The following CACNA1A variants were observed in gnomAD, a reference collection of about 807,000 sequenced individuals.
The protein encoded by CACNA1A is voltage-dependent P/Q-type calcium channel subunit alpha-1A.
A neutral mutation model predicts 262.4 loss-of-function variants in CACNA1A; 57 were observed. That is an observed-to-expected ratio of 0.22 (90% confidence interval 0.18 to 0.27). CACNA1A has a LOEUF of 0.27. Ranked by LOEUF, CACNA1A falls within the 10% of genes least tolerant of loss-of-function variation. The pLI is 1.00. For synonymous variants in CACNA1A, 1,431 were observed against 1,419.3 expected (o/e 1.01, Z -0.18); for missense variants, 2,526 against 3,562.8 (o/e 0.71, Z 7.41).
chr19:13,465,825 A>G (rs77665275), intron 1 of CACNA1A, among the ~76,000 whole-genome samples: 27,267 of 152,136 alleles, frequency 0.18, 2,891 homozygotes, highest in East Asian at 0.36. Context: ...GTTGTAGCAA[A>G]GATTAGTATT....
In CACNA1A at chr19:13,477,045, C is replaced by T. The variant is rs551836450; in HGVS notation, c.294-21833G>A. 7.9e-5 allele frequency among the ~76,000 whole-genome samples: 12 copies of T among 152,248 alleles called. No individual in the cohort carries two copies. The South Asian group carries it at 1.0e-3, about 13-fold the overall frequency. ...CCATAAGGCCCTCCAAAACCTGTCC[C>T]GTCACCTCTCTGTCCTTATCCTTGC... On this transcript the variant is annotated intron_variant, in intron 1 of 46. Transcript: ENST00000360228.
rs548413657 is a variant in CACNA1A, at chr19:13,367,516, A to T, written c.632-2047T>A. Among the ~76,000 whole-genome samples the T allele has an allele frequency of 2.6e-5, 4 of 151,794 alleles. No individual in the cohort carries two copies. The East Asian group carries it at 5.8e-4, about 22-fold the overall frequency. On this transcript the variant is annotated intron_variant, in intron 4 of 46. Coordinates refer to ENST00000360228, the MANE Select transcript of CACNA1A (RefSeq NM_001127222.2). ...GCCGAGGCGGGCAGATCACGAGGTC[A>T]GGAGATCGAGACCATCCTGGCTAAT...
chr19:13,208,707 C>A, intron 46 of CACNA1A, 49 bp downstream of exon 46: 2 of 1,521,730 alleles, frequency 1.3e-6, no homozygotes, highest in Non-Finnish European at 1.8e-6. Context: ...TTCTCTCCTC[C>A]CCGCCTCCCG....
chr19:13,467,394 T>C (rs2061266824), intron 1 of CACNA1A, among the ~76,000 whole-genome samples: 2 of 151,812 alleles, frequency 1.3e-5, no homozygotes, highest in South Asian at 4.2e-4. Flanking sequence ...GGCACGAGGA[T>C]CACTCGAGCC....
intron 1 of CACNA1A, among the ~76,000 whole-genome samples, chr19:13,476,093 C>T (rs1415183903): frequency 6.6e-6 from 1 of 152,222 alleles, no homozygotes; most frequent in Non-Finnish European, 1.5e-5. Context: ...GTTGGTGCAA[C>T]AGCAGCTCAG....
Position 13,212,448 on chromosome 19 carries a change from G to A in CACNA1A, c.6125C>T (p.Thr2042Met), listed in dbSNP as rs563345694. 103 of 1,610,832 alleles carry A rather than the reference G, an allele frequency of 6.4e-5. No homozygotes were observed. The Middle Eastern group carries it at 6.6e-4, about 10-fold the overall frequency. ...GCCTTGTTCCGGACTCCATGTGCCC[G>A]TCTTCTGGAACATCTCCTGGGCACG... ...TQRAQEMFQK[T>M]GTWSPEQGPP... is the part of the protein sequence containing the mutation. Residue 2042 changes from threonine (T) to methionine (M), a missense_variant, in exon 42 of 47, where the codon ACG becomes ATG. Coordinates refer to ENST00000360228, the MANE Select transcript of CACNA1A (RefSeq NM_001127222.2). This position sits in a 1 kb window ranked among gnomAD's most constrained non-coding sequence, Gnocchi z 5.6.
intron 30 of CACNA1A, among the ~76,000 whole-genome samples, chr19:13,250,406 T>G (rs532987992): frequency 1.1e-3 from 161 of 150,338 alleles, no homozygotes; most frequent in Non-Finnish European, 2.1e-3. Flanking sequence ...TTTAATTTAT[T>G]TATTTATTGA....
intron 36 of CACNA1A, chr19:13,229,799 G>C: frequency 3.3e-6 from 1 of 302,586 alleles, no homozygotes; most frequent in East Asian, 5.5e-5. Context: ...TGAGAGACAG[G>C]AGAGACTCGT....
intron 3 of CACNA1A, among the ~76,000 whole-genome samples, chr19:13,384,086 G>A (rs2059567399): frequency 6.6e-6 from 1 of 152,184 alleles, no homozygotes; most frequent in Non-Finnish European, 1.5e-5. Context: ...TTAGTGTTTG[G>A]ATGATAGGCG....
At chr19:13,445,836 GAACA>G (rs1395937365) in intron 3 of CACNA1A, among the ~76,000 whole-genome samples, 1 of 152,136 alleles carries the variant, frequency 6.6e-6, no homozygotes, top group Non-Finnish European at 1.5e-5. Context: ...GAGTTACAAA[GAACA>G]AACAGATGTC....
At chr19:13,284,863 C>T (rs2057366993) in intron 21 of CACNA1A, among the ~76,000 whole-genome samples, 1 of 152,180 alleles carries the variant, frequency 6.6e-6, no homozygotes, top group Non-Finnish European at 1.5e-5. Flanking sequence ...TAGTGGATGG[C>T]AGGACAGGGG....
At chr19:13,334,051 T>G in intron 8 of CACNA1A, 1 of 263,868 alleles carries the variant, frequency 3.8e-6, no homozygotes, top group Non-Finnish European at 7.3e-6. Flanking sequence ...TACTATGACT[T>G]AGGCACTACC....
Position 13,320,090 on chromosome 19 carries a change from G to A in CACNA1A, c.1346-2769C>T, listed in dbSNP as rs1489199083. Among the ~76,000 whole-genome samples, 5 of 152,134 alleles carry A rather than the reference G, an allele frequency of 3.3e-5. No homozygotes were observed. The East Asian group carries it at 9.6e-4, about 29-fold the overall frequency. On this transcript the variant is annotated intron_variant, in intron 10 of 46. Coordinates refer to ENST00000360228, the MANE Select transcript of CACNA1A (RefSeq NM_001127222.2). ...GTCCATCACCTTCTCAACCCCAGTG[G>A]CAGCTCCTCATGACCCTGCCCAGCA...
At chr19:13,351,612 T>C (rs985618586) in intron 6 of CACNA1A, among the ~76,000 whole-genome samples, 4 of 152,172 alleles carry the variant, frequency 2.6e-5, no homozygotes, top group Admixed American at 6.5e-5. Flanking sequence ...CAGGTTCATA[T>C]GATTCTTCTG....
At chr19:13,239,769 A>G (rs1424377136) in intron 31 of CACNA1A, among the ~76,000 whole-genome samples, 1 of 151,980 alleles carries the variant, frequency 6.6e-6, no homozygotes, top group Non-Finnish European at 1.5e-5. Flanking sequence ...GGGTGGGTAG[A>G]TGTAGCAGAG....
At chr19:13,426,269 C>A (rs1456702433) in intron 3 of CACNA1A, among the ~76,000 whole-genome samples, 1 of 152,062 alleles carries the variant, frequency 6.6e-6, no homozygotes, top group Non-Finnish European at 1.5e-5. Flanking sequence ...TTAGATTTAG[C>A]CTTTTCTTTT....
intron 3 of CACNA1A, among the ~76,000 whole-genome samples, chr19:13,423,112 C>G (rs1352078979): frequency 6.6e-6 from 1 of 152,182 alleles, no homozygotes; most frequent in Non-Finnish European, 1.5e-5. Flanking sequence ...GATTCTTGTT[C>G]TAGTTGCATC....
rs528927794 is a variant in CACNA1A at position 13,305,623 on chromosome 19, C to A, written c.1987-1739G>T. Among the ~76,000 whole-genome samples, 5 of 152,318 alleles carry A rather than the reference C, an allele frequency of 3.3e-5. No individual in the cohort carries two copies. In the East Asian group the frequency reaches 9.6e-4, roughly 29 times the overall value. On this transcript the variant is annotated intron_variant, in intron 15 of 46. Coordinates refer to ENST00000360228, the MANE Select transcript of CACNA1A (RefSeq NM_001127222.2). ...TATTGAGCAGCATTCCTAGTCTCCA[C>A]CCACCAGATGCCAGTAGCACCCTCT...
intron 1 of CACNA1A, among the ~76,000 whole-genome samples, chr19:13,483,185 A>G (rs2145091758): frequency 6.6e-6 from 1 of 152,214 alleles, no homozygotes; most frequent in South Asian, 2.1e-4. Flanking sequence ...ACAGGCCGGA[A>G]GTGAAGGACT....
Sources: allele counts gnomAD v4.1 joint callset (sites outside exome capture counted in the v4.1 genomes callset), GRCh38; gene constraint gnomAD v4.1.1; non-coding constraint Gnocchi (gnomAD v3.1); transcripts MANE v1.5; gene names NCBI Gene and HGNC (gene_info 2026-07-23, HGNC 2026-07-21).